C9orf85: variants seen among roughly 807,000 people sequenced by gnomAD.
C9orf85 encodes the protein uncharacterized protein C9orf85.
C9orf85 carries 16 observed loss-of-function variants against 14.9 expected under a neutral mutation model. The ratio of observed to expected loss-of-function variants is 1.08; its 90% confidence interval spans 0.73 to 1.63. The LOEUF (loss-of-function observed/expected upper bound fraction) is 1.63. Ranked by LOEUF, C9orf85 falls within the 40% of genes most tolerant of loss-of-function variation. The pLI, the probability that C9orf85 is intolerant of heterozygous loss-of-function variation, is 0.00. For synonymous variants in C9orf85, 45 were observed against 56.8 expected, an observed-to-expected ratio of 0.79 and a Z score of 0.93; for missense variants, 172 against 186.1, an observed-to-expected ratio of 0.92 and a Z score of 0.44.
intron 2 of C9orf85, among the ~76,000 whole-genome samples, chr9:71,961,775 C>A (rs1321049811): frequency 6.6e-6 from 1 of 152,146 alleles, no homozygotes; most frequent in Non-Finnish European, 1.5e-5. Context: ...CTCTCCAGTT[C>A]ATGAGGACTC....
At chr9:71,955,693 A>G (rs78071251) in intron 2 of C9orf85, among the ~76,000 whole-genome samples, 2,222 of 152,262 alleles carry the variant, frequency 0.015, 32 homozygotes, top group Middle Eastern at 0.027. Flanking sequence ...GCCAAACTTA[A>G]AATATGTACC....
intron 2 of C9orf85, among the ~76,000 whole-genome samples, chr9:71,949,702 T>C (rs1260613482): frequency 6.6e-6 from 1 of 152,162 alleles, no homozygotes; most frequent in East Asian, 1.9e-4. Context: ...TATGCTAGGT[T>C]TGATGGGAGT....
At chr9:71,940,234 A>G (rs1426272533) in intron 1 of C9orf85, among the ~76,000 whole-genome samples, 1 of 152,176 alleles carries the variant, frequency 6.6e-6, no homozygotes, top group Non-Finnish European at 1.5e-5. Context: ...AATTTAAAAA[A>G]AAAAGACGCA....
chr9:71,951,311 G>T (rs1436045534), intron 2 of C9orf85, among the ~76,000 whole-genome samples: 1 of 152,124 alleles, frequency 6.6e-6, no homozygotes, highest in Non-Finnish European at 1.5e-5. Context: ...GAAAGATGAG[G>T]GGATAAAAAG....
At chr9:71,924,756 C>T (rs1449545414) in intron 1 of C9orf85, among the ~76,000 whole-genome samples, 3 of 152,120 alleles carry the variant, frequency 2.0e-5, no homozygotes, top group African/African-American at 7.2e-5. Context: ...TATTTGACAT[C>T]ATGGTATATA....
chr9:71,926,871 A>G (rs1267951469), intron 1 of C9orf85, among the ~76,000 whole-genome samples: 1 of 152,096 alleles, frequency 6.6e-6, no homozygotes, highest in Non-Finnish European at 1.5e-5. Context: ...TGCTCTGTCT[A>G]AAGGAAATAC....
chr9:71,981,107 G>A (rs910209319), intron 3 of C9orf85, among the ~76,000 whole-genome samples: 34 of 152,144 alleles, frequency 2.2e-4, no homozygotes, highest in African/African-American at 5.8e-4. Context: ...GAGGGGCCAG[G>A]CTGTCTCTGC....
downstream of C9orf85, chr9:71,984,841 A>C (rs1363183734): frequency 1.3e-5 from 2 of 152,256 alleles, no homozygotes; most frequent in Non-Finnish European, 2.9e-5. Flanking sequence ...GATGTGGAAG[A>C]AAGAGATAAA....
intron 1 of C9orf85, among the ~76,000 whole-genome samples, chr9:71,918,173 A>G (rs1412272177): frequency 8.6e-5 from 13 of 151,878 alleles, no homozygotes; most frequent in Non-Finnish European, 5.9e-5. Context: ...ACAGGGAGGG[A>G]AAAAAAATAG....
At chr9:71,921,402 A>G (rs1167610878) in intron 1 of C9orf85, among the ~76,000 whole-genome samples, 1 of 152,248 alleles carries the variant, frequency 6.6e-6, no homozygotes, top group Non-Finnish European at 1.5e-5. Context: ...GCTGTATTCA[A>G]TTGTTCAGGC....
intron 3 of C9orf85, 55 bp from the exon 4 acceptor site, chr9:71,972,637 T>C: frequency 7.5e-7 from 1 of 1,331,662 alleles, no homozygotes; most frequent in East Asian, 2.4e-5. Context: ...TCAATCTACA[T>C]GGTTAAATAA....
intron 1 of C9orf85, among the ~76,000 whole-genome samples, chr9:71,943,353 A>T (rs982326038): frequency 1.3e-5 from 2 of 152,154 alleles, no homozygotes; most frequent in Non-Finnish European, 2.9e-5. Context: ...ACCTAAGGAA[A>T]AATTATTTTA....
chr9:71,940,340 A>G (rs1362818708), intron 1 of C9orf85, among the ~76,000 whole-genome samples: 1 of 152,182 alleles, frequency 6.6e-6, no homozygotes, highest in Non-Finnish European at 1.5e-5. Flanking sequence ...AGGCTTAGGC[A>G]GGAGGATCAC....
At chr9:71,977,968 T>C (rs978425453), downstream of C9orf85, among the ~76,000 whole-genome samples, 3 of 152,246 alleles carry the variant, frequency 2.0e-5, no homozygotes, top group Admixed American at 2.0e-4. Flanking sequence ...GTTGCACCTT[T>C]AAACTAAGTG....
chr9:71,940,397 G>A (rs939930484), intron 1 of C9orf85, among the ~76,000 whole-genome samples: 2 of 152,104 alleles, frequency 1.3e-5, no homozygotes, highest in African/African-American at 4.8e-5. Context: ...TCATGCCACT[G>A]CGCTCAAGCC....
intron 2 of C9orf85, among the ~76,000 whole-genome samples, chr9:71,970,898 G>T (rs1822843635): frequency 6.7e-6 from 1 of 149,112 alleles, no homozygotes; most frequent in Admixed American, 6.7e-5. Flanking sequence ...ACATCTCCCA[G>T]GCATGCCACC....
chr9:71,969,278 A>T (rs534970125), intron 2 of C9orf85, among the ~76,000 whole-genome samples: 1 of 152,180 alleles, frequency 6.6e-6, no homozygotes, highest in East Asian at 1.9e-4. Flanking sequence ...CCTCCCAAGT[A>T]GCTGGGATTA....
At chr9:71,951,625 G>C (rs1822248179) in intron 2 of C9orf85, among the ~76,000 whole-genome samples, 1 of 152,054 alleles carries the variant, frequency 6.6e-6, no homozygotes, top group African/African-American at 2.4e-5. Context: ...TGAAAAAGAG[G>C]GTTCAGACTT....
chr9:71,950,732 A>G (rs1564093293), intron 2 of C9orf85, among the ~76,000 whole-genome samples: 1 of 152,194 alleles, frequency 6.6e-6, no homozygotes, highest in Non-Finnish European at 1.5e-5. Flanking sequence ...CATCAGTTAA[A>G]ATGTTGAATA....
Sources: gnomAD v4.1 joint callset for allele counts (sites outside exome capture counted in the v4.1 genomes callset) on GRCh38, gnomAD v4.1.1 for gene constraint, MANE v1.5 for transcripts, NCBI Gene and HGNC (gene_info 2026-07-23, HGNC 2026-07-21) for gene names.